The following SH2D4A variants were observed in gnomAD, a reference collection of about 807,000 sequenced individuals.
SH2D4A encodes SH2 domain-containing protein 4A.
In SH2D4A, 70 loss-of-function variants were observed where a neutral mutation model predicts 64.7. The ratio of observed to expected loss-of-function variants is 1.08; its 90% CI spans 0.89 to 1.32. The LOEUF (loss-of-function observed/expected upper bound fraction) is 1.32. SH2D4A is among the 40% of genes most tolerant of loss of function. The pLI is 0.00. For missense variants in SH2D4A, 706 were observed against 540.1 expected, an observed-to-expected ratio of 1.31 and a Z score of -3.04; for synonymous variants, 268 against 200.7, an observed-to-expected ratio of 1.34 and a Z score of -2.83.
intron 9 of SH2D4A, 81 bp from the exon 10 acceptor site, chr8:19,394,469 G>T: frequency 1.1e-6 from 1 of 909,414 alleles, no homozygotes. Context: ...TGGGTAGGCA[G>T]CTAGTGATGT....
chr8:19,331,477 C>T (rs1016587820), intron 2 of SH2D4A, among the ~76,000 whole-genome samples: 1 of 152,164 alleles, frequency 6.6e-6, no homozygotes, highest in African/African-American at 2.4e-5. Flanking sequence ...CTCCTAGGTA[C>T]GCTCCACCTG....
intron 8 of SH2D4A, among the ~76,000 whole-genome samples, chr8:19,381,536 T>C (rs35026357): frequency 0.13 from 20,366 of 152,286 alleles, 1,478 homozygotes; most frequent in Middle Eastern, 0.2. Flanking sequence ...TTAATTCATT[T>C]ATTAGTTTTA....
At chr8:19,356,725 GC>G (rs761722812) in intron 4 of SH2D4A, among the ~76,000 whole-genome samples, 4 of 152,216 alleles carry the variant, frequency 2.6e-5, no homozygotes, top group Non-Finnish European at 5.9e-5. Flanking sequence ...AGAATTGTGG[GC>G]CAGGCAGGGA....
chr8:19,387,775 G>A (rs2053415417), intron 8 of SH2D4A, among the ~76,000 whole-genome samples: 1 of 152,192 alleles, frequency 6.6e-6, no homozygotes, highest in East Asian at 1.9e-4. Context: ...TCCCTGATCT[G>A]TATAATGCAG....
intron 7 of SH2D4A, among the ~76,000 whole-genome samples, chr8:19,371,428 C>G (rs1329221856): frequency 3.3e-5 from 5 of 151,804 alleles, no homozygotes; most frequent in Non-Finnish European, 7.4e-5. Flanking sequence ...TCTGAGAAGT[C>G]TGCTGCTGGG....
intron 8 of SH2D4A, among the ~76,000 whole-genome samples, chr8:19,376,119 G>A (rs1204585030): frequency 6.6e-6 from 1 of 152,120 alleles, no homozygotes; most frequent in Non-Finnish European, 1.5e-5. Flanking sequence ...GATTACAGAG[G>A]CTTGGTAAGT....
chr8:19,378,935 TGCCAGGCATGGCGGTGCATGC>T (rs749329365), intron 8 of SH2D4A, among the ~76,000 whole-genome samples: 3,583 of 145,620 alleles, frequency 0.025, 78 homozygotes, highest in Non-Finnish European at 0.037. Context: ...AAAAAAATAT[TGCCAGGCATGGCGGTGCATGC>T]CTGTAGTCCC....
intron 4 of SH2D4A, among the ~76,000 whole-genome samples, chr8:19,355,208 C>G (rs968558255): frequency 1.3e-5 from 2 of 152,102 alleles, no homozygotes; most frequent in Non-Finnish European, 2.9e-5. Context: ...TAAGAAACAT[C>G]CTTTTTGCAA....
At chr8:19,365,476 C>A (rs1277502921) in intron 7 of SH2D4A, among the ~76,000 whole-genome samples, 1 of 152,182 alleles carries the variant, frequency 6.6e-6, no homozygotes, top group Non-Finnish European at 1.5e-5. Context: ...AGTGCTGGAG[C>A]TTGTCTGTCC....
chr8:19,372,443 TC>T (rs1334344460), intron 7 of SH2D4A, among the ~76,000 whole-genome samples: 1 of 152,168 alleles, frequency 6.6e-6, no homozygotes, highest in Non-Finnish European at 1.5e-5. Flanking sequence ...TCCTAGTGCA[TC>T]CCTGCAGGGA....
intron 8 of SH2D4A, among the ~76,000 whole-genome samples, chr8:19,390,440 A>T (rs1242646780): frequency 2.0e-5 from 3 of 152,144 alleles, no homozygotes; most frequent in South Asian, 4.2e-4. Context: ...GTGCTCAAGA[A>T]TTCCCTATCC....
chr8:19,395,232 A>G lies in SH2D4A; in HGVS notation c.*590A>G, dbSNP rs2053568647. ...ATGAAAATACAGATGGACCTGCAGG[A>G]AAGTGAGCAAACATCGCTGAGTTTG... On this transcript the variant is annotated 3_prime_UTR_variant, in exon 10 of 10. Transcript: ENST00000265807. 1 of 152,278 alleles carries G rather than the reference A, an allele frequency of 6.6e-6. No individual in the cohort carries two copies. The highest frequency in any genetic ancestry group is 2.4e-5 in the African/African-American group (1 of 41,468). 9.4% of individuals were successfully genotyped at this position (152,278 alleles called of 1,614,324 possible).
At chr8:19,385,283 C>G (rs2053367267) in intron 8 of SH2D4A, among the ~76,000 whole-genome samples, 1 of 151,196 alleles carries the variant, frequency 6.6e-6, no homozygotes. Context: ...GATCTCAGCT[C>G]ACTGTAGCCT....
At chr8:19,361,361 T>TTC (rs1395624950) in intron 6 of SH2D4A, 47 bp downstream of exon 6, 7 of 1,542,864 alleles carry the variant, frequency 4.5e-6, no homozygotes, top group Non-Finnish European at 5.2e-6. Context: ...TCTCAGCTGA[T>TTC]TCTCTCCCTT....
At chr8:19,376,390 G>T (rs888348320) in intron 8 of SH2D4A, among the ~76,000 whole-genome samples, 2 of 152,152 alleles carry the variant, frequency 1.3e-5, no homozygotes, top group African/African-American at 4.8e-5. Context: ...GGAAGGCCGA[G>T]GCAGGCGGAT....
intron 1 of SH2D4A, among the ~76,000 whole-genome samples, chr8:19,315,206 G>A (rs1180323185): frequency 6.6e-6 from 1 of 152,076 alleles, no homozygotes; most frequent in African/African-American, 2.4e-5. Context: ...TGCGATCTCG[G>A]CTCACTGTAG....
intron 2 of SH2D4A, among the ~76,000 whole-genome samples, chr8:19,324,539 C>T (rs1308435053): frequency 1.3e-5 from 2 of 152,196 alleles, no homozygotes; most frequent in African/African-American, 4.8e-5. Context: ...CCTTCCTTAT[C>T]TTGATCAATT....
chr8:19,355,786 A>C (rs2153647440), intron 4 of SH2D4A, among the ~76,000 whole-genome samples: 1 of 152,348 alleles, frequency 6.6e-6, no homozygotes, highest in East Asian at 1.9e-4. Flanking sequence ...AGTGCTCATT[A>C]GCGGAATTAG....
At chr8:19,384,338 C>T (rs1258479082) in intron 8 of SH2D4A, among the ~76,000 whole-genome samples, 1 of 152,108 alleles carries the variant, frequency 6.6e-6, no homozygotes, top group Non-Finnish European at 1.5e-5. Flanking sequence ...AGGGGTGAGT[C>T]TTAGCATTGC....
Sources: allele counts gnomAD v4.1 joint callset (sites outside exome capture counted in the v4.1 genomes callset), GRCh38; gene constraint gnomAD v4.1.1; transcripts MANE v1.5; gene names NCBI Gene and HGNC (gene_info 2026-07-23, HGNC 2026-07-21).